Variants in BLTP2 observed in about 807,000 individuals in gnomAD.
The protein encoded by BLTP2 is bridge-like lipid transfer protein family member 2.
At chr17:28,638,309 G>A in the BLTP2 span, 2 of 1,613,650 alleles carry the variant, frequency 1.2e-6, no homozygotes, top group Non-Finnish European at 1.7e-6. Flanking sequence ...TATTGGGTGG[G>A]TGTGGCGCCC....
chr17:28,640,634 G>C, the BLTP2 span: 3 of 1,613,898 alleles, frequency 1.9e-6, no homozygotes, highest in Non-Finnish European at 2.5e-6. Flanking sequence ...GCAGCTGCTG[G>C]AGAAGGAATA....
chr17:28,644,444 T>C, the BLTP2 span, among the ~76,000 whole-genome samples: 1 of 152,152 alleles, frequency 6.6e-6, no homozygotes, highest in African/African-American at 2.4e-5. Flanking sequence ...ATCCCTCAAA[T>C]TGTTATGAAT....
chr17:28,641,635 C>T, the BLTP2 span, among the ~76,000 whole-genome samples: 2 of 150,370 alleles, frequency 1.3e-5, no homozygotes, highest in Non-Finnish European at 3.0e-5. Context: ...AGCAAGACTC[C>T]ATCTTTTTTT....
At chr17:28,639,797 C>G in the BLTP2 span, 1 of 1,475,816 alleles carries the variant, frequency 6.8e-7, no homozygotes, top group South Asian at 1.1e-5. Context: ...CCTTCCACTC[C>G]CCAGTTACAC....
chr17:28,635,330 C>G, the BLTP2 span: 1 of 1,614,204 alleles, frequency 6.2e-7, no homozygotes, highest in South Asian at 1.1e-5. Flanking sequence ...CTCTCTGCAG[C>G]CAGGGTAATG....
chr17:28,632,196 G>A, the BLTP2 span: 17 of 1,613,820 alleles, frequency 1.1e-5, no homozygotes, highest in Non-Finnish European at 1.4e-5. Flanking sequence ...TTTGCATCCA[G>A]CGCAGGGTAC....
At chr17:28,634,511 A>G in the BLTP2 span, 1 of 1,609,160 alleles carries the variant, frequency 6.2e-7, no homozygotes, top group Middle Eastern at 1.7e-4. Flanking sequence ...AGGAAACACT[A>G]CTTACCCAGA....
chr17:28,633,183 A>G, the BLTP2 span: 1 of 1,588,358 alleles, frequency 6.3e-7, no homozygotes, highest in East Asian at 2.2e-5. Flanking sequence ...ATGGAACCCC[A>G]GCCCTCAGTG....
At chr17:28,632,092 T>C in the BLTP2 span, 2 of 1,614,180 alleles carry the variant, frequency 1.2e-6, no homozygotes, top group South Asian at 1.1e-5. Context: ...TTGCTTGTAG[T>C]GCTGACCAAG....
chr17:28,621,623 T>A, the BLTP2 span: 1 of 691,370 alleles, frequency 1.4e-6, no homozygotes, highest in Non-Finnish European at 2.6e-6. Flanking sequence ...CTGCATGGAA[T>A]AGCTTGAACC....
the BLTP2 span, among the ~76,000 whole-genome samples, chr17:28,632,650 T>C: frequency 6.6e-6 from 1 of 152,144 alleles, no homozygotes; most frequent in Admixed American, 6.5e-5. Context: ...TCACTGACAC[T>C]GAATCTATCA....
At chr17:28,616,819 A>C in the BLTP2 span, 11 of 1,608,654 alleles carry the variant, frequency 6.8e-6, no homozygotes, top group Non-Finnish European at 9.4e-6. The surrounding 1 kb of genome is among the most constrained non-coding windows in gnomAD (Gnocchi z 4.8). Context: ...CCTACTCCTA[A>C]TATCGTGTAA....
the BLTP2 span, chr17:28,644,943 C>A: frequency 6.6e-7 from 1 of 1,511,056 alleles, no homozygotes; most frequent in Non-Finnish European, 9.0e-7. Context: ...TCCGCCCCCT[C>A]CCTCCCGCCG....
At chr17:28,616,509 C>T in the BLTP2 span, 1 of 1,614,158 alleles carries the variant, frequency 6.2e-7, no homozygotes, top group Non-Finnish European at 8.5e-7. The surrounding 1 kb of genome is among the most constrained non-coding windows in gnomAD (Gnocchi z 4.8). Context: ...CACTGGTATT[C>T]CTATGAAAAA....
the BLTP2 span, chr17:28,618,643 TTAA>T: frequency 2.3e-5 from 14 of 607,690 alleles, no homozygotes; most frequent in African/African-American, 1.3e-4. Context: ...ATTAATATGA[TTAA>T]TGAGCTCGTT....
At chr17:28,637,952 T>A in the BLTP2 span, 28 of 1,614,050 alleles carry the variant, frequency 1.7e-5, 1 homozygote, top group South Asian at 2.9e-4. Context: ...CTTCCCAGAT[T>A]GTGGACCCAT....
chr17:28,634,527 C>A, the BLTP2 span: 1 of 1,613,032 alleles, frequency 6.2e-7, no homozygotes, highest in Non-Finnish European at 8.5e-7. Context: ...CCAGAAAGCT[C>A]TTGACATTGC....
the BLTP2 span, chr17:28,643,143 T>G: frequency 2.5e-6 from 4 of 1,614,112 alleles, no homozygotes; most frequent in Non-Finnish European, 3.4e-6. Context: ...CAGTCCAGGA[T>G]AGCAGGAGAA....
At chr17:28,643,965 CA>C in the BLTP2 span, 3 of 1,454,732 alleles carry the variant, frequency 2.1e-6, no homozygotes, top group East Asian at 2.3e-5. Context: ...CTAGAAAAGC[CA>C]CCAGGATTTC....
Sources: allele counts gnomAD v4.1 joint callset (sites outside exome capture counted in the v4.1 genomes callset), GRCh38; gene constraint gnomAD v4.1.1; non-coding constraint Gnocchi (gnomAD v3.1); transcripts MANE v1.5; gene names NCBI Gene and HGNC (gene_info 2026-07-23, HGNC 2026-07-21).